FGFR3: variants seen among roughly 807,000 people sequenced by gnomAD.
FGFR3 encodes the protein FGFR-3.
A neutral mutation model predicts 82.9 loss-of-function variants in FGFR3; 25 were observed. The ratio of observed to expected loss-of-function variants is 0.30; its 90% confidence interval spans 0.22 to 0.42. FGFR3 has a LOEUF of 0.42. Among genes scored for constraint, FGFR3 ranks in the 10% least tolerant of loss-of-function variants. FGFR3 has a pLI of 1.00. For synonymous variants in FGFR3, 620 were observed against 516.0 expected (o/e 1.20, Z -2.73); for missense variants, 1,026 against 1,161.0 (o/e 0.88, Z 1.69).
In FGFR3 at chr4:1,802,362, C is replaced by G. The variant is rs3135876; in HGVS notation, c.930+337C>G. 3.2e-4 allele frequency among the ~76,000 whole-genome samples: 48 copies of G among 152,296 alleles called. 1 individual carries two copies. In the Middle Eastern group the frequency reaches 0.017, roughly 54 times the overall value. On this transcript the variant is annotated intron_variant, in intron 7 of 17. Transcript: ENST00000440486. ...CAGTGTGGCCAAGCCCTCCAGGCCC[C>G]CTCTGGGCCTCAGAGGCGGTGGCTG...
chr4:1,797,188 C>T (rs927909375), intron 2 of FGFR3, among the ~76,000 whole-genome samples: 6 of 152,158 alleles, frequency 3.9e-5, no homozygotes, highest in Admixed American at 3.3e-4. Flanking sequence ...CCTAGGGCTG[C>T]TGGGGGGCTA....
chr4:1,798,815 G>C (rs935765191), intron 2 of FGFR3, among the ~76,000 whole-genome samples: 11 of 152,288 alleles, frequency 7.2e-5, no homozygotes, highest in African/African-American at 2.6e-4. Context: ...GGCCAGCAAA[G>C]GGCAGCCTGT....
Position 1,808,552 on chromosome 4 carries a change from ATAATT to A in FGFR3, c.*1293_*1297del, listed in dbSNP as rs1380364406. 1.3e-5 allele frequency: 3 copies of A among 229,884 alleles called. No homozygotes were observed. The highest frequency in any genetic ancestry group is 6.6e-5 in the African/African-American group (3 of 45,148). The allele number at this position is 229,884 out of a possible 1,614,324, so 14.2% of individuals were successfully genotyped here. ...TACAAGTTTATATATATCTATATAT[ATAATT>A]TATTGAGTTTTTACAAGATGTATTT... On this transcript the variant is annotated 3_prime_UTR_variant, in exon 18 of 18. Coordinates refer to ENST00000440486, the MANE Select transcript of FGFR3 (RefSeq NM_000142.5).
Position 1,805,828 on chromosome 4 carries a change from T to C in FGFR3, c.1724T>C (p.Leu575Pro), listed in dbSNP as rs746824967. The change falls in exon 13 of 18, where the codon CTG becomes CCG. Residue 575 changes from leucine to proline, a missense_variant. Physicochemically the swap from Leu to Pro is moderately conservative, Grantham distance 98 (BLOSUM62 -3). Around this residue, in one of 9 missense-constraint regions of FGFR3, gnomAD observed 164 missense variants for 167.5 expected, o/e 0.98. Transcript: ENST00000440486. ...CTGCGGGCGCGGCGGCCCCCGGGCC[T>C]GGACTACTCCTTCGACACCTGCAAG... ...EFLRARRPPG[L>P]DYSFDTCKPP... The C allele has an allele frequency of 3.1e-6, 5 of 1,612,480 alleles. No individual in the cohort carries two copies. The East Asian group carries it at 1.1e-4, about 36-fold the overall frequency.
At position 1,798,239 on chromosome 4, in the gene FGFR3, C is replaced by T. The variant is rs565791480; in HGVS notation, c.110-1015C>T. Among the ~76,000 whole-genome samples the T allele has an allele frequency of 2.0e-5, 3 of 152,066 alleles. No individual in the cohort carries two copies. The East Asian group carries it at 5.8e-4, about 30-fold the overall frequency. Reference sequence around the variant, plus strand: ...GTGGGCCCCCACCCCAGCTTCTCAGCCCCCAGGGAGGGGCCAGGGCTGCTG... The same window carrying T: ...GTGGGCCCCCACCCCAGCTTCTCAGTCCCCAGGGAGGGGCCAGGGCTGCTG... On this transcript the variant is annotated intron_variant, in intron 2 of 17. Coordinates refer to ENST00000440486, the MANE Select transcript of FGFR3 (RefSeq NM_000142.5).
intron 10 of FGFR3, 25 bp from the exon 11 acceptor site, chr4:1,805,330 A>C: frequency 6.2e-7 from 1 of 1,609,508 alleles, no homozygotes; most frequent in Non-Finnish European, 8.5e-7. Context: ...TTGCACACTC[A>C]TGGTCCCTCT....
Position 1,801,478 on chromosome 4 carries a change from T to A in FGFR3, c.557T>A (p.Ile186Asn). ...GCCGCTGGCAACCCCACTCCCTCCA[T>A]CTCCTGGCTGAAGAACGGCAGGGAG... ...CPAAGNPTPS[I>N]SWLKNGREFR... The change falls in exon 5 of 18, where the codon ATC becomes AAC. Residue 186 changes from isoleucine to asparagine, a missense_variant. Ile to Asn is a moderately radical substitution (Grantham distance 149). Coordinates refer to ENST00000440486, the MANE Select transcript of FGFR3 (RefSeq NM_000142.5). The A allele has an allele frequency of 6.4e-7, 1 of 1,556,500 alleles. No individual in the cohort carries two copies. The highest frequency in any genetic ancestry group is 8.7e-7 in the Non-Finnish European group (1 of 1,150,382).
chr4:1,806,999 C>T (rs2108815830), intron 17 of FGFR3, 65 bp downstream of exon 17: 4 of 1,556,288 alleles, frequency 2.6e-6, no homozygotes, highest in Non-Finnish European at 3.5e-6. Context: ...CCCGGCCATC[C>T]TGCCCCCCAG....
rs1247838440 is a variant in FGFR3 at position 1,803,929 on chromosome 4, GACTT to G, written c.1075+96_1075+99del. Reference sequence around the variant, plus strand: ...CTGCCAGGACGGACGGGAATCCTGTGACTTACGGCCGTCCCGCTTCTTGAGCCCT... The same window carrying G: ...CTGCCAGGACGGACGGGAATCCTGTGACGGCCGTCCCGCTTCTTGAGCCCT... On this transcript the variant is annotated intron_variant, in intron 8 of 17. Transcript: ENST00000440486. 1.2e-5 allele frequency: 17 copies of G among 1,364,804 alleles called. No individual in the cohort carries two copies. The East Asian group carries it at 3.4e-4, about 28-fold the overall frequency. 84.5% of individuals were successfully genotyped at this position (1,364,804 alleles called of 1,614,324 possible).
intron 2 of FGFR3, among the ~76,000 whole-genome samples, chr4:1,796,891 G>T (rs112550623): frequency 2.4e-4 from 37 of 152,284 alleles, no homozygotes; most frequent in African/African-American, 8.9e-4. Context: ...CACAGTGGGG[G>T]AAACTGAGGT....
chr4:1,807,972 A>C lies in FGFR3; in HGVS notation c.*710A>C, dbSNP rs1472326291. The C allele has an allele frequency of 4.1e-6, 1 of 245,472 alleles. No homozygotes were observed. The highest frequency in any genetic ancestry group is 8.0e-6 in the Non-Finnish European group (1 of 125,558). 15.2% of individuals were successfully genotyped at this position (245,472 alleles called of 1,614,324 possible). A position where few individuals can be genotyped will look rare whatever the true frequency, so the allele number is the denominator to read the frequency against. On this transcript the variant is annotated 3_prime_UTR_variant, in exon 18 of 18. Transcript: ENST00000440486. ...CGGAGGCCTGCGACCCTGGGGGCAC[A>C]GGAGGCAGGCATGGCCCTGGGCGGG...
chr4:1,805,301 G>A, intron 10 of FGFR3, 54 bp from the exon 11 acceptor site: 1 of 1,603,090 alleles, frequency 6.2e-7, no homozygotes, highest in South Asian at 1.1e-5. Flanking sequence ...GGACCGTGGT[G>A]GGCTGAGAGT....
At chr4:1,797,791 C>T (rs1241744087) in intron 2 of FGFR3, among the ~76,000 whole-genome samples, 1 of 152,170 alleles carries the variant, frequency 6.6e-6, no homozygotes, top group Non-Finnish European at 1.5e-5. Context: ...TCGGATGCTT[C>T]AGGGGATGAG....
chr4:1,805,658 G>C lies in FGFR3; in HGVS notation c.1634G>C (p.Cys545Ser), dbSNP rs1434520290. The C allele has an allele frequency of 1.2e-6, 2 of 1,612,720 alleles. No individual in the cohort carries two copies. The highest frequency in any genetic ancestry group is 4.5e-5 in the East Asian group (2 of 44,884). Residue 545 changes from cysteine to serine, a missense_variant, in exon 12 of 18, where the codon TGC becomes TCC. Cys to Ser is a moderately radical substitution (Grantham distance 112, BLOSUM62 -1). Around this residue, in one of 9 missense-constraint regions of FGFR3, gnomAD observed 164 missense variants for 167.5 expected, o/e 0.98. Transcript: ENST00000440486. ...HKNIINLLGA[C>S]TQGGPLYVLV... ...AACATCATCAACCTGCTGGGCGCCT[G>C]CACGCAGGGCGGTAGGTGCGGTAGC...
chr4:1,801,749 G>C lies in FGFR3; in HGVS notation c.739+6G>C. ...GTACACGCTGGACGTGCTGGGTGAG[G>C]GCCCTGGGGCGGCGCGGGGGTGGGG... is the stretch of plus-strand genomic sequence containing the variant. On this transcript the variant is annotated splice_donor_region_variant and intron_variant, in intron 6 of 17. Transcript: ENST00000440486. 1.9e-6 allele frequency: 3 copies of C among 1,600,566 alleles called. No individual in the cohort carries two copies. The highest frequency in any genetic ancestry group is 2.6e-6 in the Non-Finnish European group (3 of 1,175,452).
rs748758679 is a variant in FGFR3, at chr4:1,801,762, C to T, written c.739+19C>T. The T allele has an allele frequency of 1.9e-5, 30 of 1,548,372 alleles. No individual in the cohort carries two copies. The highest frequency in any genetic ancestry group is 7.0e-5 in the Admixed American group (4 of 57,086). ...GTGCTGGGTGAGGGCCCTGGGGCGG[C>T]GCGGGGGTGGGGGCGGCAGTGGCGG... is the stretch of plus-strand genomic sequence containing the variant. On this transcript the variant is annotated intron_variant, in intron 6 of 17. Transcript: ENST00000440486.
chr4:1,799,621 T>C (rs1023138124), intron 3 of FGFR3, 98 bp downstream of exon 3: 2 of 1,550,966 alleles, frequency 1.3e-6, no homozygotes, highest in African/African-American at 2.7e-5. Flanking sequence ...TCTCTGGTCA[T>C]TGGTGGAGAG....
intron 9 of FGFR3, 103 bp from the exon 10 acceptor site, chr4:1,804,721 G>A (rs1721656971): frequency 6.9e-7 from 1 of 1,459,310 alleles, no homozygotes; most frequent in African/African-American, 1.4e-5. Context: ...CAATGCTGGT[G>A]GAAGTCAGAA....
intron 2 of FGFR3, among the ~76,000 whole-genome samples, chr4:1,794,634 C>T (rs1434559311): frequency 2.0e-5 from 3 of 152,162 alleles, no homozygotes; most frequent in African/African-American, 7.2e-5. Context: ...GGCGCGTGTC[C>T]CAGCGTCGCG....
Sources: allele counts gnomAD v4.1 joint callset (sites outside exome capture counted in the v4.1 genomes callset), GRCh38; gene constraint gnomAD v4.1.1; regional missense constraint gnomAD v4.1.1; transcripts MANE v1.5; gene names NCBI Gene and HGNC (gene_info 2026-07-23, HGNC 2026-07-21).